Variants in XRN1 observed in about 807,000 individuals in gnomAD.
XRN1 encodes the protein strand-exchange protein 1 homolog.
Under a neutral mutation model 222.3 loss-of-function variants are expected in XRN1, and 67 were observed. The ratio of observed to expected loss-of-function variants is 0.30; its 90% CI spans 0.25 to 0.37. The LOEUF (loss-of-function observed/expected upper bound fraction) is 0.37, where lower values mean the gene tolerates loss of function less well. Ranked by LOEUF, XRN1 falls within the 10% of genes least tolerant of loss-of-function variation. The pLI, the probability that XRN1 is intolerant of heterozygous loss-of-function variation, is 1.00. For missense variants in XRN1, 1,707 were observed against 2,000.2 expected, an observed-to-expected ratio of 0.85 and a Z score of 2.80; for synonymous variants, 643 against 652.4, an observed-to-expected ratio of 0.99 and a Z score of 0.22.
chr3:142,443,759 A>G (rs1304651260), intron 1 of XRN1, among the ~76,000 whole-genome samples: 2 of 152,270 alleles, frequency 1.3e-5, no homozygotes, highest in Non-Finnish European at 2.9e-5. Context: ...GGAAATCAGT[A>G]TATCGCAGAT....
In XRN1 at chr3:142,412,630, C is replaced by T. The variant is rs747810015; in HGVS notation, c.1627G>A (p.Glu543Lys). 8 of 1,603,026 alleles carry T rather than the reference C, an allele frequency of 5.0e-6. No homozygotes were observed. The Admixed American group carries it at 1.3e-4, about 27-fold the overall frequency. The change falls in exon 15 of 41, where the codon GAA becomes AAA. Residue 543 changes from glutamate (E) to lysine (K), a missense_variant. Around this residue, in one of 2 missense-constraint regions of XRN1, gnomAD observed 1,234 missense variants for 1,518.2 expected, o/e 0.81. Coordinates refer to ENST00000392981, the MANE Select transcript of XRN1 (RefSeq NM_001282857.2). ...GTTTTAAAATCAGGTGGGTAATATT[C>T]TATAATTGGTGAGTCTTCATTGGTC... ...LMTNEDSPII[E>K]YYPPDFKTDL...
At chr3:142,389,880 T>G (rs1245662777) in intron 20 of XRN1, among the ~76,000 whole-genome samples, 3 of 152,230 alleles carry the variant, frequency 2.0e-5, no homozygotes, top group Admixed American at 2.0e-4. Flanking sequence ...GTCCATGGGT[T>G]GCAGAATGGA....
Position 142,422,869 on chromosome 3 carries a change from C to T in XRN1, c.764G>A (p.Arg255Lys). 6.2e-7 allele frequency: 1 copy of T among 1,612,568 alleles called. No individual in the cohort carries two copies. Among genetic ancestry groups the T allele is most frequent in the Non-Finnish European group, 8.5e-7 (1 of 1,179,038 alleles). The change falls in exon 7 of 41, where the codon AGA becomes AAA. Residue 255 changes from arginine (R) to lysine (K), a missense_variant. This residue lies in a region of XRN1 where 1,234 missense variants were observed against 1,518.2 expected (regional missense o/e 0.81). Coordinates refer to ENST00000392981, the MANE Select transcript of XRN1 (RefSeq NM_001282857.2). ...TGAAAACTCATAGTCAATATACTCT[C>T]TCATTAAAGACAAGTGTAGAAGGTG... ...TFHLLHLSLM[R>K]EYIDYEFSVL... is the part of the protein sequence containing the mutation.
In XRN1 at chr3:142,425,254, T is replaced by TC; in HGVS notation, c.594_595insG (p.Arg199GlufsTer10). 1 of 1,604,102 alleles carries TC rather than the reference T, an allele frequency of 6.2e-7. No homozygotes were observed. The highest frequency in any genetic ancestry group is 8.5e-7 in the Non-Finnish European group (1 of 1,175,426). On this transcript the variant is annotated frameshift_variant, in exon 5 of 41. Coordinates refer to ENST00000392981, the MANE Select transcript of XRN1 (RefSeq NM_001282857.2). LOFTEE classifies it high-confidence loss of function. ...GCATCTAAACCATAAAGACAGTGTC[T>TC]GGTGTTTGGATCATGATCTGGCTTT...
At chr3:142,394,892 G>A (rs1376464072) in intron 20 of XRN1, among the ~76,000 whole-genome samples, 1 of 152,134 alleles carries the variant, frequency 6.6e-6, no homozygotes, top group Middle Eastern at 3.2e-3. Context: ...TGCTTAGAGG[G>A]TTTCTCAAAA....
intron 33 of XRN1, among the ~76,000 whole-genome samples, chr3:142,339,360 A>T (rs79986544): frequency 6.6e-6 from 1 of 152,322 alleles, no homozygotes; most frequent in East Asian, 1.9e-4. Flanking sequence ...TAAGAACCAC[A>T]GAATTATTGG....
chr3:142,365,210 A>T, intron 28 of XRN1, 31 bp from the exon 29 acceptor site: 8 of 1,585,094 alleles, frequency 5.0e-6, no homozygotes, highest in Non-Finnish European at 6.8e-6. Flanking sequence ...AATTATAATA[A>T]ACAAAAAAAT....
Position 142,347,336 on chromosome 3 carries a change from C to A in XRN1, c.3775G>T (p.Val1259Phe). Residue 1259 changes from valine (V) to phenylalanine (F), a missense_variant, in exon 33 of 41, where the codon GTT (valine) becomes TTT (phenylalanine). Coordinates refer to ENST00000392981, the MANE Select transcript of XRN1 (RefSeq NM_001282857.2). ...ACTTGGCTTATTTCTTGAGGTAGAA[C>A]TGCACCCTGAAAATTAAAATTCTTA... Reference protein sequence around the residue: ...FQPTIQEKGAVLPQEISQVNQ... With the variant: ...FQPTIQEKGAFLPQEISQVNQ... 1 of 1,568,500 alleles carries A rather than the reference C, an allele frequency of 6.4e-7. No individual in the cohort carries two copies. The highest frequency in any genetic ancestry group is 2.3e-5 in the East Asian group (1 of 43,822).
At chr3:142,349,071 G>C (rs1174620720) in intron 32 of XRN1, among the ~76,000 whole-genome samples, 1 of 152,096 alleles carries the variant, frequency 6.6e-6, no homozygotes, top group African/African-American at 2.4e-5. Context: ...TCCTGCCTCA[G>C]TCTCCCGAAT....
rs1559879441 is a variant in XRN1 at position 142,431,877 on chromosome 3, A to ATATAT, written c.308+779_308+783dup. On this transcript the variant is annotated intron_variant, in intron 2 of 40. Transcript: ENST00000392981. ...TATATTATATATAATATATTATATT[A>ATATAT]TATATATTATATATAATATATATAT... 1.7e-3 allele frequency among the ~76,000 whole-genome samples: 79 copies of ATATAT among 47,268 alleles called. 3 individuals are homozygous for ATATAT. Among genetic ancestry groups the ATATAT allele is most frequent in the African/African-American group, 0.011 (78 of 7,112 alleles). 31.0% of individuals were successfully genotyped at this position (47,268 alleles called of 152,430 possible). A position where few individuals can be genotyped will look rare whatever the true frequency, so the allele number is the denominator to read the frequency against.
chr3:142,333,206 G>T, intron 34 of XRN1, 117 bp from the exon 35 acceptor site: 1 of 1,183,998 alleles, frequency 8.4e-7, no homozygotes, highest in Non-Finnish European at 1.2e-6. Context: ...CTTCCCAGGT[G>T]TTAAAGTTTG....
chr3:142,382,422 T>C (rs1309812736), intron 22 of XRN1, among the ~76,000 whole-genome samples: 2 of 152,182 alleles, frequency 1.3e-5, no homozygotes, highest in African/African-American at 4.8e-5. Flanking sequence ...ATTCCTGTTT[T>C]CCCCCCAGTG....
intron 10 of XRN1, among the ~76,000 whole-genome samples, chr3:142,419,324 GA>G (rs893761240): frequency 4.5e-4 from 67 of 150,228 alleles, no homozygotes; most frequent in Admixed American, 1.2e-3. Context: ...CTTAGGGGGG[GA>G]AAAAAAAAGA....
chr3:142,330,593 G>GTTTT (rs74269485), intron 36 of XRN1, among the ~76,000 whole-genome samples: 2 of 137,084 alleles, frequency 1.5e-5, no homozygotes, highest in African/African-American at 5.2e-5. Context: ...AAGCCTATGA[G>GTTTT]TTTTTTTTTT....
intron 20 of XRN1, among the ~76,000 whole-genome samples, chr3:142,396,750 CT>C (rs1227332012): frequency 2.0e-5 from 3 of 152,128 alleles, no homozygotes; most frequent in African/African-American, 4.8e-5. Context: ...ATGCCAGCCT[CT>C]CGTATTCTGC....
At chr3:142,370,419 ATTTGT>A in intron 27 of XRN1, 61 bp downstream of exon 27, 1 of 1,500,042 alleles carries the variant, frequency 6.7e-7, no homozygotes, top group Non-Finnish European at 8.9e-7. Flanking sequence ...CAAATGAATT[ATTTGT>A]AAAGTATAGT....
intron 20 of XRN1, among the ~76,000 whole-genome samples, chr3:142,390,979 C>G (rs2067690622): frequency 6.6e-6 from 1 of 152,142 alleles, no homozygotes; most frequent in Non-Finnish European, 1.5e-5. Context: ...AGCACACACA[C>G]AACATTTATT....
rs556571839 is a variant in XRN1 at position 142,415,679 on chromosome 3, A to G, written c.1437-1388T>C. 1.8e-4 allele frequency among the ~76,000 whole-genome samples: 27 copies of G among 152,322 alleles called. No homozygotes were observed. The East Asian group carries it at 5.2e-3, about 29-fold the overall frequency. ...GAGGCCCTGAGAATCAGGTGATTAT[A>G]AAACTTTTTTCAAAGGCTTTATGTA... On this transcript the variant is annotated intron_variant, in intron 13 of 40. Transcript: ENST00000392981.
chr3:142,318,008 A>G (rs1223301192), intron 39 of XRN1, among the ~76,000 whole-genome samples: 1 of 152,212 alleles, frequency 6.6e-6, no homozygotes, highest in Non-Finnish European at 1.5e-5. Flanking sequence ...ACTGCATGTC[A>G]TAAATTTAAT....
Sources: gnomAD v4.1 joint callset for allele counts (sites outside exome capture counted in the v4.1 genomes callset) on GRCh38, gnomAD v4.1.1 for gene constraint, gnomAD v4.1.1 regional missense constraint, MANE v1.5 for transcripts, NCBI Gene and HGNC (gene_info 2026-07-23, HGNC 2026-07-21) for gene names.